BLK: variants seen among roughly 807,000 people sequenced by gnomAD.
BLK encodes tyrosine-protein kinase Blk.
A neutral mutation model predicts 61.8 loss-of-function variants in BLK; 64 were observed. The observed-to-expected ratio is 1.03, with a 90% CI of 0.85 to 1.27. BLK has a LOEUF of 1.27. Among genes scored for constraint, BLK ranks in the 50% most tolerant of loss-of-function variants. The pLI is 0.00. For missense variants in BLK, 853 were observed against 660.5 expected (o/e 1.29, Z -3.19); for synonymous variants, 351 against 272.0 (o/e 1.29, Z -2.86).
intron 10 of BLK, chr8:11,560,322 G>A (rs1011727092): frequency 2.3e-5 from 5 of 213,828 alleles, no homozygotes; most frequent in Non-Finnish European, 4.6e-5. Flanking sequence ...TGCATAGATG[G>A]ATGGATGGAT....
At chr8:11,524,034 C>A (rs569837436) in intron 1 of BLK, among the ~76,000 whole-genome samples, 53 of 152,024 alleles carry the variant, frequency 3.5e-4, no homozygotes, top group African/African-American at 1.3e-3. Flanking sequence ...AAATATTGGA[C>A]AATTGAATAT....
At chr8:11,521,516 C>A (rs1799445314) in intron 1 of BLK, among the ~76,000 whole-genome samples, 1 of 152,178 alleles carries the variant, frequency 6.6e-6, no homozygotes. Flanking sequence ...GTCTCGAATT[C>A]CTGGGCTTAA....
At chr8:11,525,410 T>C (rs926337796) in intron 1 of BLK, among the ~76,000 whole-genome samples, 3 of 152,352 alleles carry the variant, frequency 2.0e-5, no homozygotes, top group African/African-American at 7.2e-5. Context: ...TTTCTTTTCA[T>C]CTGCAAATGT....
intron 6 of BLK, among the ~76,000 whole-genome samples, chr8:11,552,031 G>A (rs55772067): frequency 0.033 from 5,089 of 152,276 alleles, 256 homozygotes; most frequent in African/African-American, 0.11. Flanking sequence ...TAACTGGAGA[G>A]GAGATGGTGA....
intron 3 of BLK, 138 bp downstream of exon 3, chr8:11,546,241 G>C: frequency 9.7e-7 from 1 of 1,035,322 alleles, no homozygotes; most frequent in Non-Finnish European, 1.5e-6. Flanking sequence ...GAGAGGCCCC[G>C]GCTCTGTGCC....
chr8:11,554,779 A>AG lies in BLK; in HGVS notation c.514dup (p.Glu172GlyfsTer7). The AG allele has an allele frequency of 6.2e-7, 1 of 1,613,952 alleles. No homozygotes were observed. The highest frequency in any genetic ancestry group is 1.1e-5 in the South Asian group (1 of 91,074). On this transcript the variant is annotated frameshift_variant, in exon 7 of 13. Transcript: ENST00000259089. LOFTEE classifies it high-confidence loss of function. ...CTGTCTGTGAAGGATGTCACCACCC[A>AG]GGGGGAGCTGATCAAGCACTATAAG...
Position 11,550,192 on chromosome 8 carries a change from T to C in BLK, c.402T>C (p.Ala134=). 1 of 1,614,162 alleles carries C rather than the reference T, an allele frequency of 6.2e-7. No individual in the cohort carries two copies. The highest frequency in any genetic ancestry group is 8.5e-7 in the Non-Finnish European group (1 of 1,180,018). The change falls in exon 6 of 13, where the codon GCT becomes GCC. Residue 134 remains alanine (A), a synonymous_variant. Coordinates refer to ENST00000259089, the MANE Select transcript of BLK (RefSeq NM_001715.3). ...TTAGATCACAGGGTCGGAAGGAGGC[T>C]GAGAGGCAGCTTCTTGCTCCAATCA... ...WFFRSQGRKE[A]ERQLLAPINK...
intron 4 of BLK, 151 bp downstream of exon 4, chr8:11,548,276 G>A (rs1224371219): frequency 3.0e-6 from 2 of 668,390 alleles, no homozygotes; most frequent in Non-Finnish European, 5.1e-6. Context: ...TCTTGAACTT[G>A]GCCCTTTTGT....
intron 1 of BLK, among the ~76,000 whole-genome samples, chr8:11,515,257 C>G (rs1799179400): frequency 6.6e-6 from 1 of 152,198 alleles, no homozygotes; most frequent in Non-Finnish European, 1.5e-5. Flanking sequence ...GGCTTACATC[C>G]TCCCTGTGCC....
intron 1 of BLK, among the ~76,000 whole-genome samples, chr8:11,516,751 T>C (rs1308305871): frequency 6.6e-6 from 1 of 152,234 alleles, no homozygotes; most frequent in Non-Finnish European, 1.5e-5. Flanking sequence ...TGTTGTAGCA[T>C]GTGCCAGAAT....
chr8:11,506,384 T>A (rs1798770141), intron 1 of BLK, among the ~76,000 whole-genome samples: 1 of 152,202 alleles, frequency 6.6e-6, no homozygotes, highest in Admixed American at 6.5e-5. Context: ...GCTGAATCCT[T>A]GTAACTGTTG....
In BLK at chr8:11,558,013, C is replaced by G; in HGVS notation, c.1004C>G (p.Pro335Arg). The G allele has an allele frequency of 6.2e-7, 1 of 1,614,072 alleles. No homozygotes were observed. The highest frequency in any genetic ancestry group is 1.3e-5 in the African/African-American group (1 of 75,028). Residue 335 changes from proline to arginine, a missense_variant, in exon 10 of 13, where the codon CCA becomes CGA. By Grantham distance (103) the Pro-to-Arg change is moderately radical. Transcript: ENST00000259089. ...GATGAAGGGAGCAGATTGTCACTCCCAAGGCTGATTGACATGTCGGCGCAG... is the reference window on the plus strand; with the variant it reads ...GATGAAGGGAGCAGATTGTCACTCCGAAGGCTGATTGACATGTCGGCGCAG... ...KTDEGSRLSL[P>R]RLIDMSAQIA...
At position 11,495,394 on chromosome 8, in the gene BLK, G is replaced by A. The variant is rs192974659; in HGVS notation, c.-2+803G>A. 4.7e-4 allele frequency among the ~76,000 whole-genome samples: 72 copies of A among 152,296 alleles called. 1 individual carries two copies. Among genetic ancestry groups the A allele is most frequent in the African/African-American group, 1.7e-3 (70 of 41,556 alleles). ...ACTTAATTCCCCTCACCTTGAGTGA[G>A]GTTTGGACTAAGAGTATGGAAAGGG... On this transcript the variant is annotated intron_variant, in intron 1 of 12. Transcript: ENST00000259089.
intron 1 of BLK, among the ~76,000 whole-genome samples, chr8:11,516,807 C>T (rs141536769): frequency 1.3e-5 from 2 of 152,246 alleles, no homozygotes; most frequent in East Asian, 3.8e-4. Context: ...ATAGCCCACA[C>T]TGGGCTTATC....
At chr8:11,524,334 G>A (rs80170946) in intron 1 of BLK, among the ~76,000 whole-genome samples, 2,161 of 152,226 alleles carry the variant, frequency 0.014, 46 homozygotes, top group African/African-American at 0.049. Flanking sequence ...TTTTCCATTG[G>A]TGGTAGGGTT....
intron 1 of BLK, among the ~76,000 whole-genome samples, chr8:11,499,810 G>GT (rs1401115121): frequency 6.6e-6 from 1 of 152,132 alleles, no homozygotes; most frequent in Non-Finnish European, 1.5e-5. Context: ...TAGCAGTTTG[G>GT]TGACAGCATG....
chr8:11,514,198 C>T (rs532707239), intron 1 of BLK, among the ~76,000 whole-genome samples: 4 of 152,164 alleles, frequency 2.6e-5, no homozygotes, highest in Non-Finnish European at 5.9e-5. Flanking sequence ...TGACCATGTG[C>T]TACCTGTCAC....
rs147435988 is a variant in BLK at position 11,503,729 on chromosome 8, G to C, written c.-2+9138G>C. Reference sequence around the variant, plus strand: ...ACCAGACTGGAGGTTCCTATGTGCAGGTGTGGAGGATGGAAGAGGTCACTC... The same window carrying C: ...ACCAGACTGGAGGTTCCTATGTGCACGTGTGGAGGATGGAAGAGGTCACTC... On this transcript the variant is annotated intron_variant, in intron 1 of 12. Transcript: ENST00000259089. Among the ~76,000 whole-genome samples, 683 of 152,288 alleles carry C rather than the reference G, an allele frequency of 4.5e-3. 5 individuals are homozygous for C. The highest frequency in any genetic ancestry group is 0.015 in the African/African-American group (642 of 41,554).
chr8:11,517,197 C>A (rs1240153972), intron 1 of BLK, among the ~76,000 whole-genome samples: 1 of 152,150 alleles, frequency 6.6e-6, no homozygotes, highest in East Asian at 1.9e-4. Flanking sequence ...GGCTTAGACC[C>A]GGCTCTCGGC....
Sources: gnomAD v4.1 joint callset for allele counts (sites outside exome capture counted in the v4.1 genomes callset) on GRCh38, gnomAD v4.1.1 for gene constraint, MANE v1.5 for transcripts, NCBI Gene and HGNC (gene_info 2026-07-23, HGNC 2026-07-21) for gene names.